The following TTC6 variants were observed in gnomAD, a reference collection of about 807,000 sequenced individuals.
The protein encoded by TTC6 is tetratricopeptide repeat protein 6.
In TTC6, 172 loss-of-function variants were observed where a neutral mutation model predicts 210.4. That is an observed-to-expected ratio of 0.82 (90% CI 0.72 to 0.93). The LOEUF is 0.93. Ranked by LOEUF, TTC6 falls within the 40% of genes least tolerant of loss-of-function variation. The probability of loss-of-function intolerance (pLI) is 0.00; values close to 1 mark genes in which losing one functional copy is unlikely to be tolerated. For missense variants in TTC6, 2,414 were observed against 2,318.1 expected (o/e 1.04, Z -0.85); for synonymous variants, 804 against 819.6 (o/e 0.98, Z 0.32).
intron 8 of TTC6, among the ~76,000 whole-genome samples, chr14:37,736,991 T>G (rs552303068): frequency 1.3e-5 from 2 of 152,158 alleles, no homozygotes; most frequent in Non-Finnish European, 1.5e-5. Flanking sequence ...CTCCTAGGCT[T>G]AAGTGATCCT....
At chr14:37,749,072 A>G (rs1343500047) in exon 11 of TTC6, 56 of 1,535,664 alleles carry the variant, frequency 3.6e-5, no homozygotes, top group Non-Finnish European at 4.8e-5. Flanking sequence ...TAAGGGAGGA[A>G]TTCCAGAAAA....
At chr14:37,754,045 G>C (rs2095960440) in intron 14 of TTC6, among the ~76,000 whole-genome samples, 1 of 151,902 alleles carries the variant, frequency 6.6e-6, no homozygotes, top group African/African-American at 2.4e-5. Flanking sequence ...GATCTTTTCA[G>C]TTGCAGTTTT....
At chr14:37,650,080 A>G (rs930333952) in intron 1 of TTC6, among the ~76,000 whole-genome samples, 1 of 152,222 alleles carries the variant, frequency 6.6e-6, no homozygotes, top group Non-Finnish European at 1.5e-5. Context: ...AACACTTTCT[A>G]AAATCTGCTA....
At chr14:37,827,047 C>A in intron 28 of TTC6, 149 bp from the exon 31 acceptor site, 1 of 575,488 alleles carries the variant, frequency 1.7e-6, no homozygotes, top group Non-Finnish European at 2.8e-6. Context: ...CAACTCCTTT[C>A]TCAAAATATT....
At chr14:37,830,788 C>T (rs1224138839) in intron 29 of TTC6, among the ~76,000 whole-genome samples, 9 of 150,886 alleles carry the variant, frequency 6.0e-5, no homozygotes, top group African/African-American at 1.9e-4. Flanking sequence ...CATTTTATTT[C>T]AAAATGTTAT....
exon 20 of TTC6, chr14:37,796,917 A>C: frequency 6.2e-7 from 1 of 1,603,714 alleles, no homozygotes; most frequent in Non-Finnish European, 8.5e-7. Flanking sequence ...CTCTATTAGC[A>C]AAAGTTCAAA....
rs376986016 is a variant in TTC6, at chr14:37,769,819, A to T, written c.3266+16584A>T. ...CTATTTCCTTCAGTTCTGCTCTGATATTAGTTATTTCTTGCCTTCTGCTAG... is the reference window on the plus strand; with the variant it reads ...CTATTTCCTTCAGTTCTGCTCTGATTTTAGTTATTTCTTGCCTTCTGCTAG... On this transcript the variant is annotated intron_variant, in intron 14 of 30. Coordinates refer to ENST00000553443, the Ensembl canonical transcript of TTC6. Among the ~76,000 whole-genome samples, 14 of 152,068 alleles carry T rather than the reference A, an allele frequency of 9.2e-5. 1 individual carries two copies. Among genetic ancestry groups the T allele is most frequent in the Admixed American group, 2.6e-4 (4 of 15,258 alleles).
At chr14:37,618,324 T>C (rs527399827), upstream of TTC6, among the ~76,000 whole-genome samples, 1 of 152,332 alleles carries the variant, frequency 6.6e-6, no homozygotes, top group South Asian at 2.1e-4. Context: ...TTCTGACTGC[T>C]TCACTGCTCA....
intron 12 of TTC6, 24 bp from the exon 15 acceptor site, chr14:37,751,029 T>A (rs1243186493): frequency 2.0e-6 from 3 of 1,472,960 alleles, no homozygotes; most frequent in Non-Finnish European, 1.8e-6. Context: ...TAACTCCAAA[T>A]TTTATCTTTT....
intron 14 of TTC6, among the ~76,000 whole-genome samples, chr14:37,779,507 T>C (rs2096048159): frequency 6.6e-6 from 1 of 152,216 alleles, no homozygotes; most frequent in South Asian, 2.1e-4. Flanking sequence ...AATTGGTCTC[T>C]ATAGTGACTA....
intron 20 of TTC6, among the ~76,000 whole-genome samples, chr14:37,798,349 T>G (rs1039483038): frequency 1.3e-5 from 2 of 151,466 alleles, no homozygotes; most frequent in African/African-American, 4.8e-5. Flanking sequence ...TTTCCTAGTT[T>G]TCCAGTTTTT....
At chr14:37,710,225 T>C (rs1354590667) in intron 5 of TTC6, among the ~76,000 whole-genome samples, 1 of 152,146 alleles carries the variant, frequency 6.6e-6, no homozygotes, top group East Asian at 1.9e-4. Context: ...AGTGAAGCTG[T>C]GATGGAGAAC....
intron 14 of TTC6, among the ~76,000 whole-genome samples, chr14:37,774,346 AG>A (rs1190458997): frequency 1.3e-5 from 2 of 152,160 alleles, no homozygotes; most frequent in Admixed American, 6.5e-5. Context: ...CTGGTTTTTA[AG>A]GGGAATGCTA....
chr14:37,838,730 G>A (rs2096203440), intron 29 of TTC6, among the ~76,000 whole-genome samples: 1 of 151,852 alleles, frequency 6.6e-6, no homozygotes. Context: ...TGTGCACAAC[G>A]TGCAGGTTTG....
chr14:37,815,125 A>G (rs1213459588), intron 25 of TTC6, among the ~76,000 whole-genome samples: 1 of 152,208 alleles, frequency 6.6e-6, no homozygotes, highest in African/African-American at 2.4e-5. Flanking sequence ...AAGTTTACAG[A>G]TAGTAGAGAA....
At chr14:37,790,579 C>G (rs1479423386) in intron 15 of TTC6, 138 bp from the exon 18 acceptor site, 1 of 693,246 alleles carries the variant, frequency 1.4e-6, no homozygotes, top group African/African-American at 1.8e-5. Context: ...CAAACAAGTA[C>G]ACTCATCATA....
At chr14:37,693,736 A>G (rs2095808984) in intron 3 of TTC6, among the ~76,000 whole-genome samples, 1 of 152,202 alleles carries the variant, frequency 6.6e-6, no homozygotes, top group African/African-American at 2.4e-5. Context: ...TGGTACTGGC[A>G]TAAAAACAGA....
At chr14:37,779,360 G>A (rs539368341) in intron 14 of TTC6, among the ~76,000 whole-genome samples, 1 of 116,522 alleles carries the variant, frequency 8.6e-6, no homozygotes, top group African/African-American at 3.1e-5. Flanking sequence ...TAGTTGGCCT[G>A]CTTAGAAGTC....
At chr14:37,790,928 G>A in intron 16 of TTC6, 91 bp downstream of exon 18, 1 of 1,099,200 alleles carries the variant, frequency 9.1e-7, no homozygotes, top group Non-Finnish European at 1.3e-6. Flanking sequence ...CCTCATCATT[G>A]ATAACCTAGA....
Sources: allele counts gnomAD v4.1 joint callset (sites outside exome capture counted in the v4.1 genomes callset), GRCh38; gene constraint gnomAD v4.1.1; transcripts MANE v1.5; gene names NCBI Gene and HGNC (gene_info 2026-07-23, HGNC 2026-07-21).